TXNRD3: variants seen among roughly 807,000 people sequenced by gnomAD.
The protein encoded by TXNRD3 is TXNRD3 neighbor gene protein.
Under a neutral mutation model 78.2 loss-of-function variants are expected in TXNRD3, and 68 were observed. That is an observed-to-expected ratio of 0.87 (90% CI 0.72 to 1.06). The LOEUF (loss-of-function observed/expected upper bound fraction) is 1.06. Among genes scored for constraint, TXNRD3 ranks in the 50% least tolerant of loss-of-function variants. The pLI is 0.00. For synonymous variants in TXNRD3, 296 were observed against 300.1 expected, an observed-to-expected ratio of 0.99 and a Z score of 0.14; for missense variants, 751 against 809.5, an observed-to-expected ratio of 0.93 and a Z score of 0.88.
rs564273050 is a variant in TXNRD3, at chr3:126,638,455, C to T, written c.712+3577G>A. 3.5e-4 allele frequency among the ~76,000 whole-genome samples: 54 copies of T among 152,164 alleles called. 1 individual carries two copies. In the South Asian group the frequency reaches 1.0e-2, roughly 28 times the overall value. ...CCAAAGACTTAGAAAGCATTTTAGC[C>T]GGGCACGGTGGCTCATGTCTGCAAT... On this transcript the variant is annotated intron_variant, in intron 6 of 15. Coordinates refer to ENST00000524230, the MANE Select transcript of TXNRD3 (RefSeq NM_052883.3).
intron 7 of TXNRD3, among the ~76,000 whole-genome samples, chr3:126,632,563 G>A (rs557683802): frequency 1.9e-4 from 29 of 151,414 alleles, no homozygotes; most frequent in African/African-American, 6.1e-4. Context: ...GGGAGGCTGA[G>A]GTGGGAGAAT....
At chr3:126,637,946 T>C (rs1265928166) in intron 6 of TXNRD3, among the ~76,000 whole-genome samples, 3 of 120,382 alleles carry the variant, frequency 2.5e-5, no homozygotes, top group Admixed American at 8.4e-5. Context: ...TTTTTTTTTT[T>C]TTTTTTTTTT....
At chr3:126,633,114 C>T (rs1402088001) in intron 7 of TXNRD3, among the ~76,000 whole-genome samples, 7 of 152,076 alleles carry the variant, frequency 4.6e-5, no homozygotes, top group African/African-American at 1.7e-4. Flanking sequence ...GAATAAAGCA[C>T]ATCATCCAAA....
At chr3:126,624,164 G>C (rs541139295) in intron 10 of TXNRD3, among the ~76,000 whole-genome samples, 2 of 152,250 alleles carry the variant, frequency 1.3e-5, no homozygotes, top group Admixed American at 1.3e-4. Context: ...TTGTTAAAAA[G>C]TCAGTTCTTC....
chr3:126,615,112 T>C (rs549817985), intron 13 of TXNRD3, among the ~76,000 whole-genome samples: 31 of 152,342 alleles, frequency 2.0e-4, no homozygotes, highest in African/African-American at 6.7e-4. Flanking sequence ...AATAGATTTT[T>C]GTTACTTGTA....
intron 13 of TXNRD3, among the ~76,000 whole-genome samples, chr3:126,612,174 A>G (rs757576154): frequency 1.3e-5 from 2 of 152,038 alleles, no homozygotes; most frequent in Non-Finnish European, 2.9e-5. Context: ...AGTAGCTGGG[A>G]CTACAGGTGC....
Position 126,645,329 on chromosome 3 carries a change from G to A in TXNRD3, c.414+782C>T, listed in dbSNP as rs116230091. 3.8e-3 allele frequency among the ~76,000 whole-genome samples: 580 copies of A among 152,224 alleles called. 4 individuals carry two copies. The highest frequency in any genetic ancestry group is 0.034 in the Middle Eastern group (10 of 294). ...CTCTGCATCTACAGATTTATTCTTG[G>A]ACATCATTTTCCAAGTTAGGATTGG... On this transcript the variant is annotated intron_variant, in intron 3 of 15. Coordinates refer to ENST00000524230, the MANE Select transcript of TXNRD3 (RefSeq NM_052883.3).
At chr3:126,609,451 C>T (rs1208168866) in intron 14 of TXNRD3, among the ~76,000 whole-genome samples, 2 of 152,074 alleles carry the variant, frequency 1.3e-5, no homozygotes, top group African/African-American at 4.8e-5. Context: ...TCCCAGGGCC[C>T]ACAGAAGACT....
chr3:126,648,667 T>C (rs1450789789), intron 1 of TXNRD3, among the ~76,000 whole-genome samples: 2 of 152,200 alleles, frequency 1.3e-5, no homozygotes, highest in African/African-American at 2.4e-5. Context: ...ACTGGACCCT[T>C]ACCTAACGCC....
chr3:126,638,158 T>C (rs1467219875), intron 6 of TXNRD3, among the ~76,000 whole-genome samples: 1 of 152,022 alleles, frequency 6.6e-6, no homozygotes, highest in East Asian at 1.9e-4. Context: ...TTAGCCAGAA[T>C]GGTCTTGATC....
chr3:126,643,994 C>T lies in TXNRD3; in HGVS notation c.579G>A (p.Gln193=), dbSNP rs1933158988. Residue 193 remains glutamine (Q), a synonymous_variant, in exon 5 of 16, where the codon CAG becomes CAA. Transcript: ENST00000524230. ...AAAACAACTTACCCCAGGATGTGCC[C>T]TGAGGTGACGGGACAACAAAGTCTA... The T allele has an allele frequency of 6.5e-7, 1 of 1,535,946 alleles. No individual in the cohort carries two copies. Among genetic ancestry groups the T allele is most frequent in the Non-Finnish European group, 8.7e-7 (1 of 1,146,862 alleles).
At chr3:126,612,025 T>A (rs893187905) in intron 13 of TXNRD3, among the ~76,000 whole-genome samples, 4 of 152,110 alleles carry the variant, frequency 2.6e-5, no homozygotes, top group Non-Finnish European at 5.9e-5. Flanking sequence ...CTTCTACCCA[T>A]TTTTTTGTTT....
At position 126,647,267 on chromosome 3, in the gene TXNRD3, G is replaced by T; in HGVS notation, c.273C>A (p.Val91=). 1 of 1,535,350 alleles carries T rather than the reference G, an allele frequency of 6.5e-7. No individual in the cohort carries two copies. The highest frequency in any genetic ancestry group is 8.7e-7 in the Non-Finnish European group (1 of 1,146,698). Residue 91 remains valine (V), a synonymous_variant, in exon 2 of 16, where the codon GTC becomes GTA. Transcript: ENST00000524230. ...GATCAAGTTCCAAGACATTACATTC[G>T]ACTCCCAAAGAAGAAAAGAGTTCTT...
chr3:126,608,719 T>C, intron 14 of TXNRD3, 86 bp from the exon 15 acceptor site: 1 of 1,388,090 alleles, frequency 7.2e-7, no homozygotes, highest in Non-Finnish European at 9.5e-7. Flanking sequence ...ACAGTTAAAA[T>C]ATACAGTATC....
intron 3 of TXNRD3, among the ~76,000 whole-genome samples, chr3:126,645,636 C>A (rs969575031): frequency 6.6e-6 from 1 of 151,996 alleles, no homozygotes; most frequent in Admixed American, 6.6e-5. Context: ...AAATAAGGAT[C>A]TTATTTAATA....
At chr3:126,644,273 C>A in intron 4 of TXNRD3, 24 bp downstream of exon 4, 1 of 1,517,842 alleles carries the variant, frequency 6.6e-7, no homozygotes, top group Non-Finnish European at 8.8e-7. Context: ...AAATTATCTA[C>A]GAGTTTCATT....
intron 10 of TXNRD3, among the ~76,000 whole-genome samples, chr3:126,623,744 A>T (rs1938506479): frequency 6.6e-6 from 1 of 151,872 alleles, no homozygotes; most frequent in South Asian, 2.1e-4. Context: ...CCTGGCAATG[A>T]TACAAGACTC....
At position 126,655,093 on chromosome 3, in the gene TXNRD3, G is replaced by C. The variant is rs759529713; in HGVS notation, c.-103C>G. 4.6e-6 allele frequency: 6 copies of C among 1,301,278 alleles called. No homozygotes were observed. In the South Asian group the frequency reaches 1.0e-4, roughly 22 times the overall value. The allele number at this position is 1,301,278 out of a possible 1,614,324, so 80.6% of individuals were successfully genotyped here. On this transcript the variant is annotated 5_prime_UTR_variant, in exon 1 of 16. Coordinates refer to ENST00000524230, the MANE Select transcript of TXNRD3 (RefSeq NM_052883.3). ...CTGAGGGGCGGCGAACGCTGCCCTCGCTGGCCACTCTCACCACCCGCGCGA... is the reference window on the plus strand; with the variant it reads ...CTGAGGGGCGGCGAACGCTGCCCTCCCTGGCCACTCTCACCACCCGCGCGA...
chr3:126,646,256 A>G (rs2107627865), intron 2 of TXNRD3, 36 bp from the exon 3 acceptor site: 1 of 1,437,068 alleles, frequency 7.0e-7, no homozygotes, highest in African/African-American at 1.6e-5. Context: ...AAAACACTGA[A>G]AAGAGTTTCA....
Sources: allele counts gnomAD v4.1 joint callset (sites outside exome capture counted in the v4.1 genomes callset), GRCh38; gene constraint gnomAD v4.1.1; transcripts MANE v1.5; gene names NCBI Gene and HGNC (gene_info 2026-07-23, HGNC 2026-07-21).